WNT16: variants seen among roughly 807,000 people sequenced by gnomAD.
WNT16 encodes the protein protein Wnt-16.
Under a neutral mutation model 35.4 loss-of-function variants are expected in WNT16, and 20 were observed. The ratio of observed to expected loss-of-function variants is 0.56; its 90% CI spans 0.40 to 0.82. The LOEUF (loss-of-function observed/expected upper bound fraction) is 0.82, where lower values mean the gene tolerates loss of function less well. Ranked by LOEUF, WNT16 falls within the 40% of genes least tolerant of loss-of-function variation. The pLI is 0.00. For synonymous variants in WNT16, 180 were observed against 179.2 expected (o/e 1.00, Z -0.03); for missense variants, 461 against 466.0 (o/e 0.99, Z 0.10).
intron 3 of WNT16, among the ~76,000 whole-genome samples, chr7:121,333,182 C>A (rs1158792497): frequency 6.6e-6 from 1 of 151,896 alleles, no homozygotes; most frequent in Admixed American, 6.5e-5. Flanking sequence ...ATAAATAAAA[C>A]AAATTGCAAT....
At chr7:121,332,283 G>A (rs1362806434) in intron 3 of WNT16, among the ~76,000 whole-genome samples, 1 of 151,378 alleles carries the variant, frequency 6.6e-6, no homozygotes, top group Non-Finnish European at 1.5e-5. Context: ...TTACAAATGT[G>A]TATTATACAA....
Position 121,329,783 on chromosome 7 carries a change from C to T in WNT16, c.312C>T (p.Gly104=). 6.2e-7 allele frequency: 1 copy of T among 1,607,048 alleles called. No homozygotes were observed. Among genetic ancestry groups the T allele is most frequent in the Non-Finnish European group, 8.5e-7 (1 of 1,179,998 alleles). ...ITAAATTAPM[G]ASPLFGYELS... is the part of the protein sequence containing the mutation. ...CCGCCGCCACTACCGCCCCGATGGGCGCCAGCCCCCTCTTTGGCTACGAGC... is the reference window on the plus strand; with the variant it reads ...CCGCCGCCACTACCGCCCCGATGGGTGCCAGCCCCCTCTTTGGCTACGAGC... Residue 104 remains glycine (G), a synonymous_variant, in exon 2 of 4, where the codon GGC becomes GGT. Transcript: ENST00000222462.
At chr7:121,327,322 G>T (rs1438520005), upstream of WNT16, among the ~76,000 whole-genome samples, 2 of 151,498 alleles carry the variant, frequency 1.3e-5, no homozygotes, top group East Asian at 3.9e-4. Flanking sequence ...ATTGATATAG[G>T]AGATAAGCAG....
At position 121,329,669 on chromosome 7, in the gene WNT16, G is replaced by A. The variant is rs1487227790; in HGVS notation, c.198G>A (p.Leu66=). ...AGCTGTGCAAGAGGAAACCGTACCT[G>A]CTGCCGAGCATCCGAGAGGGCGCCC... ...QKELCKRKPY[L]LPSIREGARL... The change falls in exon 2 of 4, where the codon CTG becomes CTA. Residue 66 remains leucine, a synonymous_variant. Transcript: ENST00000222462. 2 of 1,614,120 alleles carry A rather than the reference G, an allele frequency of 1.2e-6. No individual in the cohort carries two copies. The highest frequency in any genetic ancestry group is 1.3e-5 in the African/African-American group (1 of 75,060).
chr7:121,328,496 T>C (rs1264933988), upstream of WNT16, among the ~76,000 whole-genome samples: 1 of 152,168 alleles, frequency 6.6e-6, no homozygotes, highest in Non-Finnish European at 1.5e-5. Flanking sequence ...TGACAGCACT[T>C]CACCCACTCT....
intron 2 of WNT16, among the ~76,000 whole-genome samples, chr7:121,331,192 C>T (rs984740460): frequency 6.6e-6 from 1 of 152,126 alleles, no homozygotes; most frequent in Non-Finnish European, 1.5e-5. Context: ...CATTCTGACA[C>T]GTATTATTTA....
At position 121,339,102 on chromosome 7, in the gene WNT16, C is replaced by G. The variant is rs776883000; in HGVS notation, c.855C>G (p.Leu285=). ...TACCAATCCATAAGGATGATCTGCT[C>G]TATGTTAATAAGTCTCCCAACTACT... ...RKIPIHKDDL[L]YVNKSPNYCV... Residue 285 remains leucine, a synonymous_variant, in exon 4 of 4, where the codon CTC becomes CTG. Coordinates refer to ENST00000222462, the MANE Select transcript of WNT16 (RefSeq NM_057168.2). 3 of 1,614,156 alleles carry G rather than the reference C, an allele frequency of 1.9e-6. No individual in the cohort carries two copies. The South Asian group carries it at 3.3e-5, about 18-fold the overall frequency.
intron 3 of WNT16, 151 bp downstream of exon 3, chr7:121,332,115 A>G: frequency 2.1e-6 from 2 of 952,718 alleles, no homozygotes; most frequent in Non-Finnish European, 3.1e-6. Flanking sequence ...TTTTTAAAAG[A>G]CTACAGCAAT....
In WNT16 at chr7:121,329,178, G is replaced by C. The variant is rs571256632; in HGVS notation, c.-115G>C. On this transcript the variant is annotated 5_prime_UTR_variant, in exon 1 of 4. Coordinates refer to ENST00000222462, the MANE Select transcript of WNT16 (RefSeq NM_057168.2). The stretch of plus-strand genomic sequence containing the variant: ...CTGGCCTTTTAATGTTGTATGCAAG[G>C]AGGAAGAGGGCGAGGGATAACTTGG... The C allele has an allele frequency of 7.0e-7, 1 of 1,433,692 alleles. No homozygotes were observed. The highest frequency in any genetic ancestry group is 9.1e-7 in the Non-Finnish European group (1 of 1,097,548). 88.8% of individuals were successfully genotyped at this position (1,433,692 alleles called of 1,614,324 possible). A position where few individuals can be genotyped will look rare whatever the true frequency, so the allele number is the denominator to read the frequency against.
In WNT16 at chr7:121,329,669, G is replaced by C; in HGVS notation, c.198G>C (p.Leu66=). The change falls in exon 2 of 4, where the codon CTG becomes CTC. Residue 66 remains leucine, a synonymous_variant. Transcript: ENST00000222462. ...QKELCKRKPY[L]LPSIREGARL... ...AGCTGTGCAAGAGGAAACCGTACCTGCTGCCGAGCATCCGAGAGGGCGCCC... is the reference window on the plus strand; with the variant it reads ...AGCTGTGCAAGAGGAAACCGTACCTCCTGCCGAGCATCCGAGAGGGCGCCC... The C allele has an allele frequency of 1.2e-6, 2 of 1,614,120 alleles. No individual in the cohort carries two copies. Among genetic ancestry groups the C allele is most frequent in the Non-Finnish European group, 1.7e-6 (2 of 1,180,008 alleles).
upstream of WNT16, among the ~76,000 whole-genome samples, chr7:121,328,364 TAAGAC>T (rs1394199543): frequency 6.6e-6 from 1 of 152,096 alleles, no homozygotes; most frequent in Non-Finnish European, 1.5e-5. Context: ...CTGCAGGAAA[TAAGAC>T]AAATAGGGAA....
chr7:121,340,719 G>T lies in WNT16; in HGVS notation c.*1374G>T, dbSNP rs1480548672. 1 of 152,250 alleles carries T rather than the reference G, an allele frequency of 6.6e-6. No individual in the cohort carries two copies. Among genetic ancestry groups the T allele is most frequent in the Non-Finnish European group, 1.5e-5 (1 of 67,928 alleles). The allele number at this position is 152,250 out of a possible 1,614,324, so 9.4% of individuals were successfully genotyped here. A position where few individuals can be genotyped will look rare whatever the true frequency, so the allele number is the denominator to read the frequency against. ...GGATATTTATTATATTTTATGTAAT[G>T]CTGCATTTCTATTTGAATGTTAAGT... On this transcript the variant is annotated 3_prime_UTR_variant, in exon 4 of 4. Transcript: ENST00000222462.
intron 1 of WNT16, 37 bp downstream of exon 1, chr7:121,329,424 G>A (rs753026648): frequency 6.2e-7 from 1 of 1,601,210 alleles, no homozygotes; most frequent in Non-Finnish European, 8.5e-7. Flanking sequence ...TCGGGTAGGT[G>A]GCAAAAGGGG....
chr7:121,339,371 T>C lies in WNT16; in HGVS notation c.*26T>C, dbSNP rs373809618. ...CCACTCCATCCAGCCTTGGGCAAGA[T>C]GCCTCAGCAATATACAATGGCATTG... On this transcript the variant is annotated 3_prime_UTR_variant, in exon 4 of 4. Transcript: ENST00000222462. The C allele has an allele frequency of 5.6e-6, 9 of 1,595,150 alleles. No homozygotes were observed. The highest frequency in any genetic ancestry group is 4.0e-5 in the African/African-American group (3 of 74,792).
upstream of WNT16, chr7:121,325,542 G>A: frequency 1.3e-6 from 2 of 1,523,584 alleles, no homozygotes; most frequent in Admixed American, 1.8e-5. Context: ...GGAGAGATCT[G>A]TGAATTGTGA....
In WNT16 at chr7:121,339,247, G is replaced by A. The variant is rs774725194; in HGVS notation, c.1000G>A (p.Val334Ile). 10 of 1,614,086 alleles carry A rather than the reference G, an allele frequency of 6.2e-6. No homozygotes were observed. The African/African-American group carries it at 1.3e-4, about 22-fold the overall frequency. Residue 334 changes from valine (V) to isoleucine (I), a missense_variant, in exon 4 of 4, where the codon GTC becomes ATC. Val to Ile is a conservative substitution (Grantham distance 29). Coordinates refer to ENST00000222462, the MANE Select transcript of WNT16 (RefSeq NM_057168.2). Reference sequence around the variant, plus strand: ...TGGCCGAGGTTACAACACCCATGTGGTCAGGCACGTGGAGAGGTGTGAGTG... The same window carrying A: ...TGGCCGAGGTTACAACACCCATGTGATCAGGCACGTGGAGAGGTGTGAGTG... ...CCGRGYNTHV[V>I]RHVERCECKF...
Position 121,331,809 on chromosome 7 carries a change from A to C in WNT16, c.478A>C (p.Ser160Arg). 1.2e-6 allele frequency: 2 copies of C among 1,614,220 alleles called. No homozygotes were observed. Among genetic ancestry groups the C allele is most frequent in the South Asian group, 1.1e-5 (1 of 91,082 alleles). The change falls in exon 3 of 4, where the codon AGT (serine) becomes CGT (arginine). Residue 160 changes from serine to arginine, a missense_variant. By Grantham distance (110) the Ser-to-Arg change is moderately radical. Coordinates refer to ENST00000222462, the MANE Select transcript of WNT16 (RefSeq NM_057168.2). The part of the protein sequence containing the change: ...DTTLQNGGSA[S>R]EGWHWGGCSD... ...CACCTTGCAGAACGGCGGCTCAGCAAGTGAAGGCTGGCACTGGGGGGGCTG... is the reference window on the plus strand; with the variant it reads ...CACCTTGCAGAACGGCGGCTCAGCACGTGAAGGCTGGCACTGGGGGGGCTG...
At chr7:121,336,623 C>T (rs2707471) in intron 3 of WNT16, among the ~76,000 whole-genome samples, 31,703 of 152,046 alleles carry the variant, frequency 0.21, 4,041 homozygotes, top group African/African-American at 0.36. Flanking sequence ...AAAACAATAC[C>T]ATTAACCTCT....
Position 121,329,790 on chromosome 7 carries a change from C to T in WNT16, c.319C>T (p.Pro107Ser). The T allele has an allele frequency of 6.2e-7, 1 of 1,606,054 alleles. No homozygotes were observed. The highest frequency in any genetic ancestry group is 8.5e-7 in the Non-Finnish European group (1 of 1,180,000). ...CACTACCGCCCCGATGGGCGCCAGC[C>T]CCCTCTTTGGCTACGAGCTGAGCAG... ...AATTAPMGAS[P>S]LFGYELSSGT... The change falls in exon 2 of 4, where the codon CCC (proline) becomes TCC (serine). Residue 107 changes from proline to serine, a missense_variant. By Grantham distance (74) the Pro-to-Ser change is moderately conservative. Coordinates refer to ENST00000222462, the MANE Select transcript of WNT16 (RefSeq NM_057168.2).
Sources: gnomAD v4.1 joint callset for allele counts (sites outside exome capture counted in the v4.1 genomes callset) on GRCh38, gnomAD v4.1.1 for gene constraint, MANE v1.5 for transcripts, NCBI Gene and HGNC (gene_info 2026-07-23, HGNC 2026-07-21) for gene names.